WDSUB1: variants seen among roughly 807,000 people sequenced by gnomAD.
WDSUB1 encodes WD repeat, sterile alpha motif and U-box domain containing 1.
WDSUB1 carries 49 observed loss-of-function variants against 53.9 expected under a neutral mutation model. That is an observed-to-expected ratio of 0.91 (90% CI 0.72 to 1.15). The LOEUF is 1.15. WDSUB1 is among the 50% of genes most tolerant of loss of function. The pLI is 0.00. For synonymous variants in WDSUB1, 194 were observed against 200.6 expected (o/e 0.97, Z 0.28); for missense variants, 514 against 562.0 (o/e 0.91, Z 0.86).
chr2:159,265,526 ATGAGATCCC>A (rs2151113309), intron 5 of WDSUB1, among the ~76,000 whole-genome samples: 1 of 152,098 alleles, frequency 6.6e-6, no homozygotes, highest in South Asian at 2.1e-4. Context: ...GAGCCCAGGA[ATGAGATCCC>A]TGACTCTACA....
intron 10 of WDSUB1, among the ~76,000 whole-genome samples, chr2:159,236,655 TTTTG>T (rs71700060): frequency 0.083 from 12,576 of 152,076 alleles, 1,149 homozygotes; most frequent in African/African-American, 0.22. Flanking sequence ...ACTTAGGTTT[TTTTG>T]TTTGTTTGTT....
intron 6 of WDSUB1, among the ~76,000 whole-genome samples, chr2:159,258,429 C>T (rs2061116754): frequency 6.6e-6 from 1 of 152,212 alleles, no homozygotes; most frequent in African/African-American, 2.4e-5. Flanking sequence ...GAGGCCGAGG[C>T]AGGTGGATCA....
chr2:159,256,998 AATTATT>A (rs1397117833), intron 8 of WDSUB1, among the ~76,000 whole-genome samples: 4 of 152,122 alleles, frequency 2.6e-5, no homozygotes, highest in African/African-American at 9.6e-5. Flanking sequence ...GCTTCTGTAA[AATTATT>A]ATTATTATTT....
chr2:159,238,872 C>G (rs2060562404), intron 10 of WDSUB1, among the ~76,000 whole-genome samples: 2 of 152,170 alleles, frequency 1.3e-5, no homozygotes, highest in African/African-American at 4.8e-5. Context: ...ATGGAGAAAG[C>G]TGATATCCCG....
At chr2:159,257,649 A>G in intron 8 of WDSUB1, 109 bp downstream of exon 8, 1 of 914,444 alleles carries the variant, frequency 1.1e-6, no homozygotes, top group Non-Finnish European at 1.7e-6. Context: ...TGGCCTCCCA[A>G]AGTGCTGGGA....
At chr2:159,265,750 T>C (rs902713330) in intron 5 of WDSUB1, among the ~76,000 whole-genome samples, 4 of 152,138 alleles carry the variant, frequency 2.6e-5, no homozygotes, top group African/African-American at 9.7e-5. Context: ...GGCTGATATA[T>C]ATAATGTTTG....
chr2:159,238,256 C>T (rs538330671), intron 10 of WDSUB1, among the ~76,000 whole-genome samples: 2 of 150,318 alleles, frequency 1.3e-5, no homozygotes, highest in South Asian at 2.1e-4. Context: ...TCCCAGAGAG[C>T]GAAGTTTTCC....
At chr2:159,238,639 C>T (rs2060553086) in intron 10 of WDSUB1, among the ~76,000 whole-genome samples, 1 of 152,154 alleles carries the variant, frequency 6.6e-6, no homozygotes, top group Admixed American at 6.5e-5. Context: ...GTACATGGAT[C>T]GATTTCTGGA....
intron 10 of WDSUB1, among the ~76,000 whole-genome samples, chr2:159,240,118 T>C (rs1313283961): frequency 1.3e-5 from 2 of 152,228 alleles, no homozygotes; most frequent in Non-Finnish European, 2.9e-5. Flanking sequence ...TTTGCCTGTT[T>C]TGGGCATTTC....
rs759167085 is a variant in WDSUB1, at chr2:159,248,407, G to C, written c.1238C>G (p.Thr413Ser). Residue 413 changes from threonine to serine, a missense_variant, in exon 10 of 11, where the codon ACT becomes AGT. Transcript: ENST00000359774. ...GIPDEFICPI[T>S]RELMKDPVIA... ...GACCGGATCTTTCATAAGTTCTCTAGTTATTGGACATATAAATTCATCAGG... is the reference window on the plus strand; with the variant it reads ...GACCGGATCTTTCATAAGTTCTCTACTTATTGGACATATAAATTCATCAGG... 7.4e-6 allele frequency: 12 copies of C among 1,611,574 alleles called. No homozygotes were observed. In the South Asian group the frequency reaches 1.3e-4, roughly 18 times the overall value.
chr2:159,278,022 C>CA (rs1017470603), intron 3 of WDSUB1, among the ~76,000 whole-genome samples: 10 of 151,804 alleles, frequency 6.6e-5, no homozygotes, highest in Non-Finnish European at 1.0e-4. Flanking sequence ...AAATGCAGGA[C>CA]AAAAAAGCCC....
At chr2:159,251,947 C>T (rs1176463416) in intron 9 of WDSUB1, among the ~76,000 whole-genome samples, 1 of 152,094 alleles carries the variant, frequency 6.6e-6, no homozygotes, top group Non-Finnish European at 1.5e-5. Context: ...ACTCTCCCAA[C>T]TTTGTCCTGT....
intron 10 of WDSUB1, among the ~76,000 whole-genome samples, chr2:159,240,432 C>A (rs1019214011): frequency 1.3e-5 from 2 of 152,152 alleles, no homozygotes; most frequent in African/African-American, 4.8e-5. Context: ...AGACTGTTTT[C>A]AACAGCAACC....
chr2:159,250,088 C>CAAAAAAAAAAAAAAAAAAAAA (rs374038625), intron 9 of WDSUB1, among the ~76,000 whole-genome samples: 1 of 83,528 alleles, frequency 1.2e-5, no homozygotes, highest in African/African-American at 3.6e-5. Context: ...GACTCTGCCT[C>CAAAAAAAAAAAAAAAAAAAAA]AAAAAAAAAA....
intron 5 of WDSUB1, among the ~76,000 whole-genome samples, chr2:159,263,155 G>A (rs1028959533): frequency 1.3e-5 from 2 of 152,152 alleles, no homozygotes; most frequent in Non-Finnish European, 2.9e-5. Context: ...CAGACTCCTC[G>A]AGATCCGTGA....
In WDSUB1 at chr2:159,275,593, T is replaced by C. The variant is rs768568839; in HGVS notation, c.629A>G (p.Gln210Arg). 6.2e-7 allele frequency: 1 copy of C among 1,609,206 alleles called. No individual in the cohort carries two copies. The highest frequency in any genetic ancestry group is 8.5e-7 in the Non-Finnish European group (1 of 1,178,716). Residue 210 changes from glutamine to arginine, a missense_variant, in exon 4 of 11, where the codon CAG (glutamine) becomes CGG (arginine). Transcript: ENST00000359774. Reference protein sequence around the residue: ...LQFFRLASCGQDCQVKIWIVS... With the variant: ...LQFFRLASCGRDCQVKIWIVS... ...AATCCAAATTTTGACTTGGCAATCC[T>C]GACCACATGATGCCAGTCGAAAAAA...
At chr2:159,255,404 TTGCAGTGAACC>T (rs2061040340) in intron 9 of WDSUB1, among the ~76,000 whole-genome samples, 1 of 151,660 alleles carries the variant, frequency 6.6e-6, no homozygotes, top group Non-Finnish European at 1.5e-5. Flanking sequence ...GAGGCGGAGC[TTGCAGTGAACC>T]GAGATCGCGC....
chr2:159,272,099 A>G (rs11892835), intron 4 of WDSUB1, among the ~76,000 whole-genome samples: 86,940 of 152,064 alleles, frequency 0.57, 26,178 homozygotes, highest in African/African-American at 0.72. Context: ...GGCAATCTGT[A>G]AGACCACTCC....
At chr2:159,285,927 C>A (rs966043943) in intron 1 of WDSUB1, among the ~76,000 whole-genome samples, 1 of 152,254 alleles carries the variant, frequency 6.6e-6, no homozygotes, top group African/African-American at 2.4e-5. Flanking sequence ...TGTGCAAGTG[C>A]GCACAGGTGA....
Sources: allele counts gnomAD v4.1 joint callset (sites outside exome capture counted in the v4.1 genomes callset), GRCh38; gene constraint gnomAD v4.1.1; transcripts MANE v1.5; gene names NCBI Gene and HGNC (gene_info 2026-07-23, HGNC 2026-07-21).